The following COL4A6 variants were observed in gnomAD, a reference collection of about 807,000 sequenced individuals.
COL4A6 encodes the protein collagen alpha-6(IV) chain.
COL4A6 carries 59 observed loss-of-function variants against 126.7 expected under a neutral mutation model. The observed-to-expected ratio is 0.47, with a 90% CI of 0.38 to 0.58. The LOEUF (loss-of-function observed/expected upper bound fraction) is 0.58. COL4A6 is among the 20% of genes least tolerant of loss of function. COL4A6 has a pLI of 0.00. For synonymous variants in COL4A6, 547 were observed against 496.6 expected, an observed-to-expected ratio of 1.10 and a Z score of -1.35; for missense variants, 1,285 against 1,337.3, an observed-to-expected ratio of 0.96 and a Z score of 0.61.
At chrX:108,287,870 C>T (rs192343479) in intron 3 of COL4A6, among the ~76,000 whole-genome samples, 20 of 111,987 alleles carry the variant, frequency 1.8e-4, no homozygotes, top group African/African-American at 5.2e-4. Flanking sequence ...CCTTGTACCA[C>T]TGCCGGGAAA....
chrX:108,272,538 A>G (rs1470365709), intron 3 of COL4A6, among the ~76,000 whole-genome samples: 1 of 111,770 alleles, frequency 8.9e-6, no homozygotes, highest in Admixed American at 9.6e-5. Flanking sequence ...CCCCATGAAA[A>G]TTCTCTTCAT....
Position 108,425,209 on chromosome X carries a change from GAGAGAGAC to G in COL4A6, c.63+12725_63+12732del, listed in dbSNP as rs1465842152. Among the ~76,000 whole-genome samples the G allele has an allele frequency of 1.3e-3, 145 of 107,596 alleles. 1 individual carries two copies. Among genetic ancestry groups the G allele is most frequent in the African/African-American group, 4.4e-3 (129 of 29,574 alleles). The allele number at this position is 107,596 out of a possible 115,157, so 93.4% of individuals were successfully genotyped here. On this transcript the variant is annotated intron_variant, in intron 2 of 44. Coordinates refer to ENST00000334504, the MANE Select transcript of COL4A6 (RefSeq NM_033641.4). ...TGTGTGTGTGTGTGTGTGTGAGAGA[GAGAGAGAC>G]AGAGAGACAGAGAGACAGAGAGGAG...
At chrX:108,432,887 GA>G (rs2064199161) in intron 2 of COL4A6, among the ~76,000 whole-genome samples, 1 of 111,487 alleles carries the variant, frequency 9.0e-6, no homozygotes, top group Non-Finnish European at 1.9e-5. Context: ...AAAACAAGGG[GA>G]TAAAGAAGTA....
intron 2 of COL4A6, among the ~76,000 whole-genome samples, chrX:108,390,889 T>C (rs1165139165): frequency 2.7e-5 from 3 of 111,336 alleles, no homozygotes; most frequent in African/African-American, 9.8e-5. Context: ...GACCTTTGGA[T>C]GGGGTCTCTG....
intron 2 of COL4A6, among the ~76,000 whole-genome samples, chrX:108,369,935 G>A (rs1261399708): frequency 1.8e-5 from 2 of 112,223 alleles, no homozygotes; most frequent in Non-Finnish European, 3.8e-5. Context: ...ACAGGTGGCC[G>A]ACTGGATTTG....
chrX:108,198,146 A>T (rs187778678), intron 13 of COL4A6, among the ~76,000 whole-genome samples: 2 of 111,535 alleles, frequency 1.8e-5, no homozygotes, highest in East Asian at 2.8e-4. Context: ...TAAGCATGAG[A>T]CCTATATTAC....
intron 2 of COL4A6, among the ~76,000 whole-genome samples, chrX:108,412,224 A>C (rs773150818): frequency 6.2e-5 from 7 of 112,276 alleles, no homozygotes; most frequent in Non-Finnish European, 1.1e-4. Flanking sequence ...CTTTCCAAAA[A>C]CAAGTATTAT....
chrX:108,254,696 A>G (rs1034042856), intron 3 of COL4A6, among the ~76,000 whole-genome samples: 1 of 110,921 alleles, frequency 9.0e-6, no homozygotes, highest in African/African-American at 3.3e-5. Flanking sequence ...TCCATTTTAT[A>G]TGGCTCACAC....
At chrX:108,228,677 G>C (rs2036231587) in intron 3 of COL4A6, among the ~76,000 whole-genome samples, 3 of 111,846 alleles carry the variant, frequency 2.7e-5, no homozygotes, top group African/African-American at 9.8e-5. Flanking sequence ...GTGAAGGGTG[G>C]GGGAAGCCCC....
intron 3 of COL4A6, among the ~76,000 whole-genome samples, chrX:108,299,682 T>C (rs1263556292): frequency 8.9e-6 from 1 of 112,299 alleles, no homozygotes; most frequent in Non-Finnish European, 1.9e-5. Context: ...CAAACATACA[T>C]TAATCTTTCT....
chrX:108,406,043 C>T (rs2041200238), intron 2 of COL4A6, among the ~76,000 whole-genome samples: 1 of 111,671 alleles, frequency 9.0e-6, no homozygotes, highest in Non-Finnish European at 1.9e-5. Context: ...TCTTGGATCA[C>T]TGCAGCCTTG....
At position 108,159,665 on chromosome X, in the gene COL4A6, G is replaced by T; in HGVS notation, c.4609C>A (p.Arg1537Ser). 2.5e-6 allele frequency: 3 copies of T among 1,211,905 alleles called. No homozygotes were observed. The highest frequency in any genetic ancestry group is 3.4e-6 in the Non-Finnish European group (3 of 895,480). Reference protein sequence around the residue: ...NINEVCHYARRNDKSYWLSTT... With the variant: ...NINEVCHYARSNDKSYWLSTT... Reference sequence around the variant, plus strand: ...GAGAGCCAGTAAGATTTATCATTGCGCCTGGCATAGTGGCACACCTCGTTG... The same window carrying T: ...GAGAGCCAGTAAGATTTATCATTGCTCCTGGCATAGTGGCACACCTCGTTG... The change falls in exon 44 of 45, where the codon CGC (arginine) becomes AGC (serine). Residue 1537 changes from arginine to serine, a missense_variant. Transcript: ENST00000334504.
At chrX:108,437,495 CT>C (rs1240185130) in intron 2 of COL4A6, among the ~76,000 whole-genome samples, 1 of 111,817 alleles carries the variant, frequency 8.9e-6, no homozygotes, top group Non-Finnish European at 1.9e-5. Context: ...TGTCAAACGA[CT>C]CTAAGCATGT....
At chrX:108,302,647 C>A (rs756096194) in intron 3 of COL4A6, among the ~76,000 whole-genome samples, 10 of 110,680 alleles carry the variant, frequency 9.0e-5, no homozygotes, top group Non-Finnish European at 1.1e-4. Flanking sequence ...AAGGAAACAT[C>A]AATATCTCTG....
At chrX:108,355,777 C>CA (rs781286077) in intron 2 of COL4A6, among the ~76,000 whole-genome samples, 1 of 111,608 alleles carries the variant, frequency 9.0e-6, no homozygotes, top group Non-Finnish European at 1.9e-5. Flanking sequence ...ATAACAAATA[C>CA]AAAATAGAAG....
intron 23 of COL4A6, 94 bp from the exon 24 acceptor site, chrX:108,181,062 C>T (rs1279497008): frequency 1.7e-5 from 13 of 748,652 alleles, no homozygotes; most frequent in Non-Finnish European, 2.4e-5. Context: ...TTTAATAGGA[C>T]AGCCAAGCTC....
chrX:108,404,430 A>C (rs2041162099), intron 2 of COL4A6, among the ~76,000 whole-genome samples: 1 of 111,407 alleles, frequency 9.0e-6, no homozygotes, highest in Non-Finnish European at 1.9e-5. Flanking sequence ...CCCATATACA[A>C]ATTATCTATA....
chrX:108,169,208 TCTGACCAAGCATGCCAGAGAGGCTTGAG>T (rs2148075120), intron 37 of COL4A6, among the ~76,000 whole-genome samples: 1 of 111,655 alleles, frequency 9.0e-6, no homozygotes, highest in East Asian at 2.8e-4. Flanking sequence ...AATTGCAAGC[TCTGACCAAGCATGCCAGAGAGGCTTGAG>T]GTTAGTAAGG....
intron 31 of COL4A6, among the ~76,000 whole-genome samples, chrX:108,174,051 A>G (rs750216867): frequency 1.8e-5 from 2 of 112,369 alleles, no homozygotes; most frequent in East Asian, 2.8e-4. Flanking sequence ...AGCTGTAACA[A>G]TCTCATTGAG....
Sources: gnomAD v4.1 joint callset for allele counts (sites outside exome capture counted in the v4.1 genomes callset) on GRCh38, gnomAD v4.1.1 for gene constraint, MANE v1.5 for transcripts, NCBI Gene and HGNC (gene_info 2026-07-23, HGNC 2026-07-21) for gene names.